GALNT2: variants seen among roughly 807,000 people sequenced by gnomAD.
The protein encoded by GALNT2 is UDP-GalNAc:polypeptide N-acetylgalactosaminyltransferase 2.
Under a neutral mutation model 81.4 loss-of-function variants are expected in GALNT2, and 31 were observed. The ratio of observed to expected loss-of-function variants is 0.38; its 90% CI spans 0.29 to 0.51. GALNT2 has a LOEUF of 0.51. Ranked by LOEUF, GALNT2 falls within the 20% of genes least tolerant of loss-of-function variation. The probability of loss-of-function intolerance (pLI) is 0.87; values close to 1 mark genes in which losing one functional copy is unlikely to be tolerated. For synonymous variants in GALNT2, 303 were observed against 287.4 expected (o/e 1.05, Z -0.55); for missense variants, 629 against 765.7 (o/e 0.82, Z 2.11).
intron 15 of GALNT2, among the ~76,000 whole-genome samples, chr1:230,276,008 A>G (rs1666294977): frequency 1.3e-5 from 1 of 75,836 alleles, no homozygotes; most frequent in Non-Finnish European, 2.6e-5. Flanking sequence ...ACATATATAT[A>G]CGTATATATA....
intron 1 of GALNT2, among the ~76,000 whole-genome samples, chr1:230,094,771 A>G (rs950415134): frequency 6.6e-6 from 1 of 152,172 alleles, no homozygotes; most frequent in Admixed American, 6.5e-5. Context: ...GAGAAAACAG[A>G]GAGGTTGTGG....
chr1:230,095,295 G>A (rs1660218722), intron 1 of GALNT2, among the ~76,000 whole-genome samples: 1 of 152,146 alleles, frequency 6.6e-6, no homozygotes, highest in Admixed American at 6.5e-5. Context: ...TGTACCCCCT[G>A]CTTTCACGCA....
chr1:230,250,385 C>T (rs915222855), intron 9 of GALNT2, 72 bp from the exon 10 acceptor site: 19 of 1,130,502 alleles, frequency 1.7e-5, no homozygotes, highest in African/African-American at 7.6e-5. Flanking sequence ...TTGGCCTTGG[C>T]GCAAGGGTGC....
Position 230,236,062 on chromosome 1 carries a change from G to A in GALNT2, c.423G>A (p.Val141=), listed in dbSNP as rs777967441. ...WRVDLPATSV[V]ITFHNEARSA... ...TGGATCTGCCGGCCACCAGCGTGGT[G>A]ATCACGTTTCACAATGAAGCCAGGT... is the stretch of plus-strand genomic sequence containing the variant. The change falls in exon 4 of 16, where the codon GTG becomes GTA. Residue 141 remains valine, a synonymous_variant. Coordinates refer to ENST00000366672, the MANE Select transcript of GALNT2 (RefSeq NM_004481.5). 2.5e-6 allele frequency: 4 copies of A among 1,613,870 alleles called. No homozygotes were observed. Among genetic ancestry groups the A allele is most frequent in the Admixed American group, 1.7e-5 (1 of 59,994 alleles).
chr1:230,251,963 T>TA (rs1252914419), intron 10 of GALNT2, among the ~76,000 whole-genome samples: 1 of 47,062 alleles, frequency 2.1e-5, no homozygotes, highest in African/African-American at 2.3e-4. Context: ...TATGTAGCTG[T>TA]GCTAGAAGGT....
intron 14 of GALNT2, among the ~76,000 whole-genome samples, chr1:230,269,255 G>A (rs1666111327): frequency 7.0e-6 from 1 of 142,294 alleles, no homozygotes; most frequent in African/African-American, 2.7e-5. Context: ...GTGCAATCTC[G>A]GCTCACTGCC....
At chr1:230,188,505 G>A (rs1663415566) in intron 2 of GALNT2, among the ~76,000 whole-genome samples, 1 of 152,180 alleles carries the variant, frequency 6.6e-6, no homozygotes, top group Non-Finnish European at 1.5e-5. Context: ...TGTTTTCCTT[G>A]TCTGTAAAAT....
At chr1:230,255,588 C>T (rs549689729) in intron 11 of GALNT2, 7 of 535,928 alleles carry the variant, frequency 1.3e-5, no homozygotes, top group African/African-American at 1.1e-4. Context: ...GTCACAGCCT[C>T]ATAAAAACAC....
intron 2 of GALNT2, among the ~76,000 whole-genome samples, chr1:230,197,171 C>A (rs1455372406): frequency 6.6e-6 from 1 of 152,024 alleles, no homozygotes; most frequent in Non-Finnish European, 1.5e-5. Context: ...CAGAGAATGA[C>A]ATTGAGTTGT....
At chr1:230,092,176 G>GTTTTTT (rs1553311874) in intron 1 of GALNT2, 34 of 42,240 alleles carry the variant, frequency 8.0e-4, no homozygotes, top group African/African-American at 3.5e-3. Context: ...TATTCCTTTA[G>GTTTTTT]TTTTTTTTTT....
At chr1:230,125,508 C>G (rs928115749) in intron 1 of GALNT2, among the ~76,000 whole-genome samples, 1 of 152,198 alleles carries the variant, frequency 6.6e-6, no homozygotes, top group Non-Finnish European at 1.5e-5. Flanking sequence ...GTCTTTCAGC[C>G]AAGATCGTGT....
intron 14 of GALNT2, among the ~76,000 whole-genome samples, chr1:230,267,641 C>T (rs1056656162): frequency 6.6e-6 from 1 of 152,188 alleles, no homozygotes; most frequent in African/African-American, 2.4e-5. Context: ...CCTGGGTACT[C>T]GTCACAGGCC....
chr1:230,246,596 G>A (rs1357658927), intron 8 of GALNT2, among the ~76,000 whole-genome samples: 1 of 152,142 alleles, frequency 6.6e-6, no homozygotes, highest in Admixed American at 6.5e-5. Context: ...CTCAGATGGA[G>A]ACCTGTGTCA....
intron 3 of GALNT2, among the ~76,000 whole-genome samples, chr1:230,227,562 C>T (rs1363573521): frequency 4.1e-5 from 6 of 146,040 alleles, no homozygotes; most frequent in South Asian, 2.2e-4. Flanking sequence ...ATAATACAGC[C>T]ATATATATAT....
chr1:230,068,618 A>G (rs1403421815), intron 1 of GALNT2, among the ~76,000 whole-genome samples: 1 of 152,182 alleles, frequency 6.6e-6, no homozygotes, highest in Admixed American at 6.5e-5. Flanking sequence ...TCAGACCCCT[A>G]AATGTCCACG....
intron 1 of GALNT2, among the ~76,000 whole-genome samples, chr1:230,168,747 A>C (rs1484251348): frequency 6.6e-6 from 1 of 152,248 alleles, no homozygotes; most frequent in Non-Finnish European, 1.5e-5. Context: ...CATTGTGCAG[A>C]AAGTTCCTAT....
At chr1:230,262,764 G>GAA in intron 12 of GALNT2, 99 bp downstream of exon 12, 1 of 1,354,798 alleles carries the variant, frequency 7.4e-7, no homozygotes, top group Middle Eastern at 1.8e-4. Flanking sequence ...AGCTACCCAG[G>GAA]TGCCAAGGCG....
chr1:230,270,656 G>A (rs1666140573), intron 14 of GALNT2, among the ~76,000 whole-genome samples: 1 of 152,216 alleles, frequency 6.6e-6, no homozygotes, highest in Non-Finnish European at 1.5e-5. Flanking sequence ...TGCATAGCGT[G>A]TGACACGGAT....
At chr1:230,201,309 C>G (rs1004322895) in intron 2 of GALNT2, among the ~76,000 whole-genome samples, 1 of 152,070 alleles carries the variant, frequency 6.6e-6, no homozygotes, top group Non-Finnish European at 1.5e-5. Context: ...ATTTGAGAGG[C>G]CAGACTTCTG....
Sources: gnomAD v4.1 joint callset for allele counts (sites outside exome capture counted in the v4.1 genomes callset) on GRCh38, gnomAD v4.1.1 for gene constraint, MANE v1.5 for transcripts, NCBI Gene and HGNC (gene_info 2026-07-23, HGNC 2026-07-21) for gene names.